Variants in CDH18 observed in about 807,000 individuals in gnomAD.
The protein encoded by CDH18 is cadherin-18.
In CDH18, 31 loss-of-function variants were observed where a neutral mutation model predicts 67.9. That is an observed-to-expected ratio of 0.46 (90% CI 0.34 to 0.62). The LOEUF is 0.62. CDH18 is among the 20% of genes least tolerant of loss of function. CDH18 has a pLI of 0.01. For missense variants in CDH18, 890 were observed against 975.5 expected (o/e 0.91, Z 1.17); for synonymous variants, 362 against 347.2 (o/e 1.04, Z -0.48).
chr5:20,007,024 A>G (rs1312588918), intron 2 of CDH18, among the ~76,000 whole-genome samples: 12 of 152,070 alleles, frequency 7.9e-5, no homozygotes, highest in Admixed American at 3.3e-4. Context: ...GTTGGCTATG[A>G]TGTAAATTTC....
At chr5:19,505,258 TG>T (rs760168205) in intron 10 of CDH18, among the ~76,000 whole-genome samples, 3 of 152,172 alleles carry the variant, frequency 2.0e-5, no homozygotes, top group Admixed American at 6.6e-5. Context: ...TTATGTCATC[TG>T]AAAACAGGGA....
At chr5:19,528,286 A>C (rs1404108773) in intron 9 of CDH18, among the ~76,000 whole-genome samples, 1 of 151,544 alleles carries the variant, frequency 6.6e-6, no homozygotes, top group East Asian at 1.9e-4. Flanking sequence ...CTTGTGATGA[A>C]CTTTTATGCT....
intron 2 of CDH18, among the ~76,000 whole-genome samples, chr5:20,242,941 T>C (rs1405261701): frequency 6.6e-6 from 1 of 152,174 alleles, no homozygotes; most frequent in South Asian, 2.1e-4. Context: ...GTATTACTTA[T>C]GATAAGGTCA....
intron 2 of CDH18, among the ~76,000 whole-genome samples, chr5:19,925,152 T>C (rs1300903269): frequency 6.6e-6 from 1 of 152,264 alleles, no homozygotes; most frequent in Admixed American, 6.5e-5. Flanking sequence ...GTACAGTACT[T>C]TCCTGCATTT....
chr5:19,943,944 T>A (rs1323565999), intron 2 of CDH18, among the ~76,000 whole-genome samples: 2 of 152,110 alleles, frequency 1.3e-5, no homozygotes, highest in Admixed American at 1.3e-4. Flanking sequence ...AGTAGTTACA[T>A]GTATTCATTG....
chr5:19,875,973 G>T (rs529614191), intron 2 of CDH18, among the ~76,000 whole-genome samples: 1 of 151,848 alleles, frequency 6.6e-6, no homozygotes, highest in South Asian at 2.1e-4. Flanking sequence ...TAATATAGAG[G>T]TTTTTTTATT....
intron 2 of CDH18, among the ~76,000 whole-genome samples, chr5:19,866,620 G>T (rs1317881291): frequency 6.6e-6 from 1 of 152,110 alleles, no homozygotes; most frequent in Admixed American, 6.6e-5. Flanking sequence ...CTATTCTGGG[G>T]CAAGATTTCT....
chr5:20,568,910 C>A (rs1581213752), intron 1 of CDH18, among the ~76,000 whole-genome samples: 1 of 152,170 alleles, frequency 6.6e-6, no homozygotes, highest in African/African-American at 2.4e-5. Context: ...ATAAGAAAAT[C>A]TCTAACTCGG....
chr5:20,569,256 G>A (rs1417658518), intron 1 of CDH18, among the ~76,000 whole-genome samples: 1 of 152,180 alleles, frequency 6.6e-6, no homozygotes, highest in Non-Finnish European at 1.5e-5. Context: ...AAGAAAGTCA[G>A]AGACATTAAA....
chr5:20,529,008 AAAG>A (rs1474849593), intron 1 of CDH18, among the ~76,000 whole-genome samples: 1 of 151,950 alleles, frequency 6.6e-6, no homozygotes, highest in African/African-American at 2.4e-5. Flanking sequence ...TTAAGCTCAT[AAAG>A]AAGAAAAGAG....
At chr5:20,047,232 A>G (rs1399188585) in intron 2 of CDH18, among the ~76,000 whole-genome samples, 1 of 151,778 alleles carries the variant, frequency 6.6e-6, no homozygotes, top group African/African-American at 2.4e-5. Flanking sequence ...CAGAGGGTTT[A>G]TATATGAATG....
At chr5:19,730,768 T>TA (rs70950092) in intron 4 of CDH18, among the ~76,000 whole-genome samples, 89,877 of 146,984 alleles carry the variant, frequency 0.61, 28,396 homozygotes, top group South Asian at 0.73. Context: ...TATTAAATGG[T>TA]AAAAAAAAAA....
intron 12 of CDH18, among the ~76,000 whole-genome samples, chr5:19,474,812 T>G (rs1738166031): frequency 6.6e-6 from 1 of 152,136 alleles, no homozygotes; most frequent in Non-Finnish European, 1.5e-5. Flanking sequence ...TTATTTCCAA[T>G]AATGCTGCAA....
chr5:20,553,864 C>T (rs180742089), intron 1 of CDH18, among the ~76,000 whole-genome samples: 1 of 152,146 alleles, frequency 6.6e-6, no homozygotes, highest in East Asian at 1.9e-4. Context: ...AAAAAAAATC[C>T]GGATCGGGAT....
At chr5:19,607,273 T>C (rs964449372) in intron 6 of CDH18, among the ~76,000 whole-genome samples, 2 of 151,406 alleles carry the variant, frequency 1.3e-5, no homozygotes, top group Non-Finnish European at 3.0e-5. Context: ...ATTATTACTG[T>C]CTTAAAAAAT....
At chr5:19,743,773 T>G (rs1769557872) in intron 4 of CDH18, among the ~76,000 whole-genome samples, 1 of 151,862 alleles carries the variant, frequency 6.6e-6, no homozygotes, top group Admixed American at 6.6e-5. Context: ...TTACAAACTT[T>G]AGCTGGGCCT....
chr5:19,489,480 C>T (rs1167335644), intron 11 of CDH18, among the ~76,000 whole-genome samples: 2 of 152,150 alleles, frequency 1.3e-5, no homozygotes, highest in East Asian at 3.9e-4. Context: ...AACTCCTGAC[C>T]TTGTGATCTG....
At chr5:19,501,459 A>G (rs1476860826) in intron 11 of CDH18, among the ~76,000 whole-genome samples, 3 of 150,004 alleles carry the variant, frequency 2.0e-5, no homozygotes, top group Non-Finnish European at 3.0e-5. Context: ...CAAACAAACA[A>G]GCAAACAAAA....
intron 2 of CDH18, among the ~76,000 whole-genome samples, chr5:20,182,827 A>G (rs1012883212): frequency 7.2e-6 from 1 of 139,674 alleles, no homozygotes; most frequent in African/African-American, 3.2e-5. Context: ...ATTGCGAGGG[A>G]AAAAAAAAAT....
Sources: gnomAD v4.1 joint callset for allele counts (sites outside exome capture counted in the v4.1 genomes callset) on GRCh38, gnomAD v4.1.1 for gene constraint, MANE v1.5 for transcripts, NCBI Gene and HGNC (gene_info 2026-07-23, HGNC 2026-07-21) for gene names.